GABRB1: variants seen among roughly 807,000 people sequenced by gnomAD.
The protein encoded by GABRB1 is gamma-aminobutyric acid type A receptor subunit beta1, also known as gamma-aminobutyric acid receptor subunit beta-1.
GABRB1 carries 17 observed loss-of-function variants against 51.6 expected under a neutral mutation model. The ratio of observed to expected loss-of-function variants is 0.33; its 90% CI spans 0.23 to 0.49. The LOEUF (loss-of-function observed/expected upper bound fraction) is 0.49, where lower values mean the gene tolerates loss of function less well. Ranked by LOEUF, GABRB1 falls within the 20% of genes least tolerant of loss-of-function variation. The pLI is 0.99. For missense variants in GABRB1, 410 were observed against 600.6 expected (o/e 0.68, Z 3.32); for synonymous variants, 247 against 218.9 (o/e 1.13, Z -1.14).
intron 4 of GABRB1, among the ~76,000 whole-genome samples, chr4:47,293,229 C>T (rs1452804569): frequency 1.3e-5 from 2 of 152,120 alleles, no homozygotes; most frequent in Non-Finnish European, 2.9e-5. Flanking sequence ...ACAACCTCCG[C>T]CTCCCGGGTT....
chr4:47,309,925 G>C (rs1241676156), intron 4 of GABRB1, among the ~76,000 whole-genome samples: 1 of 152,088 alleles, frequency 6.6e-6, no homozygotes, highest in Non-Finnish European at 1.5e-5. Flanking sequence ...AGTGATAGCA[G>C]CTACTGTTAA....
At chr4:47,320,048 T>C in intron 4 of GABRB1, 79 bp from the exon 5 acceptor site, 3 of 979,940 alleles carry the variant, frequency 3.1e-6, no homozygotes, top group South Asian at 1.3e-5. Flanking sequence ...CTGGTAAACA[T>C]GATTTGGGGC....
intron 4 of GABRB1, among the ~76,000 whole-genome samples, chr4:47,200,906 A>G (rs1470459989): frequency 6.6e-6 from 1 of 152,134 alleles, no homozygotes; most frequent in African/African-American, 2.4e-5. Flanking sequence ...CATAGTGGTT[A>G]ATAATATATT....
chr4:47,132,028 T>C (rs1716438554), intron 3 of GABRB1, among the ~76,000 whole-genome samples: 1 of 152,224 alleles, frequency 6.6e-6, no homozygotes, highest in Non-Finnish European at 1.5e-5. Flanking sequence ...TTTTCATGTT[T>C]TTTTAAACAG....
intron 8 of GABRB1, among the ~76,000 whole-genome samples, chr4:47,409,192 G>A (rs1312684488): frequency 6.6e-6 from 1 of 152,178 alleles, no homozygotes; most frequent in East Asian, 1.9e-4. Context: ...AGCCCCAGTA[G>A]GTGTGTTACA....
At chr4:47,086,022 A>G (rs990266523) in intron 3 of GABRB1, among the ~76,000 whole-genome samples, 1 of 152,262 alleles carries the variant, frequency 6.6e-6, no homozygotes, top group Admixed American at 6.5e-5. Context: ...AAAAAGGCAC[A>G]GAGTGATTTA....
chr4:47,040,808 G>A (rs1393888144), intron 3 of GABRB1, among the ~76,000 whole-genome samples: 1 of 152,114 alleles, frequency 6.6e-6, no homozygotes, highest in African/African-American at 2.4e-5. Context: ...GGCAAAGACA[G>A]AATGGAATAG....
chr4:47,081,662 GT>G (rs1727848871), intron 3 of GABRB1, among the ~76,000 whole-genome samples: 1 of 152,134 alleles, frequency 6.6e-6, no homozygotes, highest in South Asian at 2.1e-4. Context: ...AGTTTAATAT[GT>G]TTTTATGTTT....
chr4:47,292,507 GA>G (rs772387203), intron 4 of GABRB1, among the ~76,000 whole-genome samples: 22 of 152,294 alleles, frequency 1.4e-4, no homozygotes, highest in Middle Eastern at 3.4e-3. Context: ...CTAATAAATG[GA>G]AAACCTAGAA....
At chr4:47,031,546 G>A (rs1020903304), upstream of GABRB1, 2 of 882,636 alleles carry the variant, frequency 2.3e-6, no homozygotes, top group Non-Finnish European at 3.8e-6. Flanking sequence ...TAGTGAGCGC[G>A]CTCTGCGCAT....
intron 4 of GABRB1, among the ~76,000 whole-genome samples, chr4:47,315,640 T>C (rs1414043626): frequency 6.6e-6 from 1 of 151,978 alleles, no homozygotes; most frequent in Non-Finnish European, 1.5e-5. Flanking sequence ...TAAGTGCCCA[T>C]TAACAGTAGA....
intron 3 of GABRB1, among the ~76,000 whole-genome samples, chr4:47,062,103 C>G (rs1726867574): frequency 6.6e-6 from 1 of 152,148 alleles, no homozygotes; most frequent in Admixed American, 6.5e-5. Flanking sequence ...GGCGAGCCCA[C>G]TTACAATCTG....
chr4:47,108,629 T>G (rs1045538262), intron 3 of GABRB1, among the ~76,000 whole-genome samples: 1 of 152,088 alleles, frequency 6.6e-6, no homozygotes, highest in African/African-American at 2.4e-5. Flanking sequence ...TACTATCATA[T>G]TAATTAGTTT....
chr4:47,169,145 C>T (rs998058515), intron 4 of GABRB1, among the ~76,000 whole-genome samples: 1 of 152,096 alleles, frequency 6.6e-6, no homozygotes, highest in Non-Finnish European at 1.5e-5. Context: ...CCCATAATAG[C>T]AACTGATAAT....
At chr4:47,280,568 G>T (rs956557228) in intron 4 of GABRB1, among the ~76,000 whole-genome samples, 3 of 150,932 alleles carry the variant, frequency 2.0e-5, no homozygotes, top group Non-Finnish European at 3.0e-5. Context: ...TATAAGGTAG[G>T]TGCAATTTTG....
At chr4:47,035,967 A>G (rs950709361) in intron 3 of GABRB1, among the ~76,000 whole-genome samples, 5 of 152,226 alleles carry the variant, frequency 3.3e-5, no homozygotes, top group Non-Finnish European at 5.9e-5. Flanking sequence ...TCTGTACCTA[A>G]TCTGAAGACA....
At chr4:47,169,363 C>A (rs1252227692) in intron 4 of GABRB1, among the ~76,000 whole-genome samples, 1 of 152,122 alleles carries the variant, frequency 6.6e-6, no homozygotes, top group East Asian at 1.9e-4. Flanking sequence ...TCCATAAAAT[C>A]TTCCAAATGT....
At chr4:47,315,272 C>G (rs1724843694) in intron 4 of GABRB1, among the ~76,000 whole-genome samples, 1 of 151,904 alleles carries the variant, frequency 6.6e-6, no homozygotes, top group African/African-American at 2.4e-5. Flanking sequence ...ATCCAACAAG[C>G]ATATAAAAAA....
chr4:47,133,824 C>G (rs1385508195), intron 3 of GABRB1, among the ~76,000 whole-genome samples: 3 of 152,140 alleles, frequency 2.0e-5, no homozygotes, highest in Non-Finnish European at 2.9e-5. Flanking sequence ...AATGTGGAGG[C>G]TTCCAGGTTT....
Sources: allele counts gnomAD v4.1 joint callset (sites outside exome capture counted in the v4.1 genomes callset), GRCh38; gene constraint gnomAD v4.1.1; transcripts MANE v1.5; gene names NCBI Gene and HGNC (gene_info 2026-07-23, HGNC 2026-07-21).